RIN2: variants seen among roughly 807,000 people sequenced by gnomAD.
RIN2 encodes the protein RAB5 interacting protein 2.
RIN2 carries 36 observed loss-of-function variants against 78.0 expected under a neutral mutation model. The observed-to-expected ratio is 0.46, with a 90% CI of 0.35 to 0.61. The LOEUF (loss-of-function observed/expected upper bound fraction) is 0.61. Ranked by LOEUF, RIN2 falls within the 20% of genes least tolerant of loss-of-function variation. The pLI is 0.00. For missense variants in RIN2, 1,087 were observed against 1,159.7 expected, an observed-to-expected ratio of 0.94 and a Z score of 0.91; for synonymous variants, 466 against 466.8, an observed-to-expected ratio of 1.00 and a Z score of 0.02.
intron 2 of RIN2, chr20:19,886,476 C>T (rs928294548): frequency 3.9e-6 from 2 of 515,436 alleles, no homozygotes; most frequent in African/African-American, 2.0e-5. Context: ...CACTTCCTGC[C>T]TTTGTCCATT....
intron 2 of RIN2, among the ~76,000 whole-genome samples, chr20:19,833,996 C>A (rs1017150436): frequency 6.6e-6 from 1 of 152,112 alleles, no homozygotes; most frequent in African/African-American, 2.4e-5. Context: ...GCACAAGGAT[C>A]CCCTGTGAGT....
chr20:19,992,764 T>C (rs1163568198), intron 11 of RIN2, among the ~76,000 whole-genome samples: 1 of 152,226 alleles, frequency 6.6e-6, no homozygotes, highest in Admixed American at 6.5e-5. Context: ...TTTCTTTGGC[T>C]CCAAGAGGAA....
At chr20:19,767,108 C>T (rs1316533787) in intron 1 of RIN2, among the ~76,000 whole-genome samples, 8 of 152,108 alleles carry the variant, frequency 5.3e-5, no homozygotes, top group South Asian at 2.1e-4. Flanking sequence ...TACAGAGGAG[C>T]CTTCAGAATG....
intron 2 of RIN2, chr20:19,823,388 C>CTTCTTTT: frequency 2.7e-6 from 1 of 376,716 alleles, no homozygotes; most frequent in African/African-American, 5.3e-5. Flanking sequence ...GCTCTGCCTG[C>CTTCTTTT]TTTTTTTTTT....
chr20:19,881,910 G>A (rs2038037914), intron 2 of RIN2, among the ~76,000 whole-genome samples: 1 of 152,188 alleles, frequency 6.6e-6, no homozygotes, highest in African/African-American at 2.4e-5. Flanking sequence ...TATTCCTAGA[G>A]TTTCTGTGGA....
intron 2 of RIN2, among the ~76,000 whole-genome samples, chr20:19,866,601 T>C (rs2123325663): frequency 6.6e-6 from 1 of 152,306 alleles, no homozygotes; most frequent in Non-Finnish European, 1.5e-5. Context: ...AAATTGTGTT[T>C]CTAGATTAAT....
In RIN2 at chr20:19,992,064, T is replaced by TC. The variant is rs1013018916; in HGVS notation, c.2069-98dup. On this transcript the variant is annotated intron_variant, in intron 10 of 12. Transcript: ENST00000255006. The stretch of plus-strand genomic sequence containing the variant: ...CACCTCTGTTTATAAATAGCACAGT[T>TC]CCCCCCAGAGTGACTCCTTGCTGTC... 3.2e-5 allele frequency: 43 copies of TC among 1,334,890 alleles called. No individual in the cohort carries two copies. In the South Asian group the frequency reaches 4.8e-4, roughly 15 times the overall value. 82.7% of individuals were successfully genotyped at this position (1,334,890 alleles called of 1,614,324 possible).
intron 1 of RIN2, among the ~76,000 whole-genome samples, chr20:19,784,320 A>ATG (rs60892991): frequency 0.041 from 6,092 of 149,392 alleles, 175 homozygotes; most frequent in East Asian, 0.13. Flanking sequence ...TTAAACAATT[A>ATG]TGTGTGTGTG....
At chr20:19,944,020 A>G (rs1377516216) in intron 4 of RIN2, among the ~76,000 whole-genome samples, 1 of 133,330 alleles carries the variant, frequency 7.5e-6, no homozygotes, top group African/African-American at 3.0e-5. Context: ...ACTAGACTCA[A>G]GTTCTGAACT....
intron 3 of RIN2, among the ~76,000 whole-genome samples, chr20:19,899,052 A>G (rs1470151928): frequency 6.6e-6 from 1 of 152,204 alleles, no homozygotes; most frequent in Non-Finnish European, 1.5e-5. Flanking sequence ...TCTATTTCCA[A>G]GTCTGAGTGT....
intron 3 of RIN2, among the ~76,000 whole-genome samples, chr20:19,930,413 G>A (rs1027774635): frequency 6.6e-6 from 1 of 152,236 alleles, no homozygotes; most frequent in Admixed American, 6.5e-5. Context: ...CCAGCCAACA[G>A]CATCGGCAAG....
At chr20:19,897,101 A>C (rs929335227) in intron 3 of RIN2, among the ~76,000 whole-genome samples, 3 of 152,126 alleles carry the variant, frequency 2.0e-5, no homozygotes, top group African/African-American at 4.8e-5. Flanking sequence ...GACCAGCTAC[A>C]TTTTGTTGTT....
intron 1 of RIN2, among the ~76,000 whole-genome samples, chr20:19,787,422 TAAAAAAAA>T (rs541323014): frequency 1.2e-5 from 1 of 85,876 alleles, no homozygotes; most frequent in Admixed American, 1.4e-4. Flanking sequence ...GACTCCATCT[TAAAAAAAA>T]AAAAAAAAAA....
chr20:19,978,560 G>A (rs531000867), intron 9 of RIN2, among the ~76,000 whole-genome samples: 21 of 152,254 alleles, frequency 1.4e-4, no homozygotes, highest in Non-Finnish European at 2.4e-4. Flanking sequence ...TCTCAAAACC[G>A]AAAAACTGCC....
chr20:19,853,638 G>A (rs535330000), intron 2 of RIN2, among the ~76,000 whole-genome samples: 48 of 152,264 alleles, frequency 3.2e-4, no homozygotes, highest in African/African-American at 1.0e-3. Context: ...GGCCAGTGAC[G>A]ATGAGCATTT....
Position 19,990,322 on chromosome 20 carries a change from T to A in RIN2, c.2068+11T>A. 6.3e-7 allele frequency: 1 copy of A among 1,598,296 alleles called. No individual in the cohort carries two copies. The highest frequency in any genetic ancestry group is 8.6e-7 in the Non-Finnish European group (1 of 1,168,958). ...TGGAGAACAACTCAGGTGAGGCCGCTGGAAGCCCAGGCTTCGTGCCGCTTC... is the reference window on the plus strand; with the variant it reads ...TGGAGAACAACTCAGGTGAGGCCGCAGGAAGCCCAGGCTTCGTGCCGCTTC... On this transcript the variant is annotated intron_variant, in intron 10 of 12. Coordinates refer to ENST00000255006, the MANE Select transcript of RIN2 (RefSeq NM_018993.4).
chr20:19,891,792 G>A (rs556032811), intron 3 of RIN2, among the ~76,000 whole-genome samples: 44 of 152,178 alleles, frequency 2.9e-4, no homozygotes, highest in African/African-American at 1.1e-3. Flanking sequence ...TCGCACCACT[G>A]CACTCCAGCC....
At chr20:19,813,844 T>A (rs536600453) in intron 2 of RIN2, among the ~76,000 whole-genome samples, 2 of 152,288 alleles carry the variant, frequency 1.3e-5, no homozygotes, top group South Asian at 2.1e-4. Context: ...AAAGTTCAAC[T>A]GGAAAATAAT....
intron 9 of RIN2, among the ~76,000 whole-genome samples, chr20:19,989,515 ATCTGCCTGCC>A (rs2042729912): frequency 6.6e-6 from 1 of 152,076 alleles, no homozygotes. Flanking sequence ...ACCTCAAATG[ATCTGCCTGCC>A]TCAGCCTCCC....
Sources: allele counts gnomAD v4.1 joint callset (sites outside exome capture counted in the v4.1 genomes callset), GRCh38; gene constraint gnomAD v4.1.1; transcripts MANE v1.5; gene names NCBI Gene and HGNC (gene_info 2026-07-23, HGNC 2026-07-21).